Variants in SPTBN2 observed in about 807,000 individuals in gnomAD.
The protein encoded by SPTBN2 is spectrin beta chain, non-erythrocytic 2.
In SPTBN2, 107 loss-of-function variants were observed where a neutral mutation model predicts 284.2. The observed-to-expected ratio is 0.38, with a 90% CI of 0.32 to 0.44. The LOEUF is 0.44. Ranked by LOEUF, SPTBN2 falls within the 20% of genes least tolerant of loss-of-function variation. The probability of loss-of-function intolerance (pLI) is 1.00; values close to 1 mark genes in which losing one functional copy is unlikely to be tolerated. For synonymous variants in SPTBN2, 1,289 were observed against 1,354.8 expected (o/e 0.95, Z 1.07); for missense variants, 2,569 against 3,287.1 (o/e 0.78, Z 5.34).
Position 66,705,680 on chromosome 11 carries a change from T to A in SPTBN2, c.1807+4A>T, listed in dbSNP as rs766779065. The A allele has an allele frequency of 2.5e-6, 4 of 1,611,082 alleles. No individual in the cohort carries two copies. In the Admixed American group the frequency reaches 6.7e-5, roughly 27 times the overall value. ...CCTCTCCAGTGCCTTCGCTGACTTC[T>A]CACCTTTCCCTGGGTTGCAGAAGCG... is the stretch of plus-strand genomic sequence containing the variant. On this transcript the variant is annotated splice_donor_region_variant and intron_variant, in intron 14 of 37. Transcript: ENST00000533211.
chr11:66,690,508 A>T (rs1940468825), intron 27 of SPTBN2: 1 of 620,398 alleles, frequency 1.6e-6, no homozygotes, highest in African/African-American at 1.8e-5. Flanking sequence ...GAGGATCTGG[A>T]AAAGAGCCAT....
Position 66,715,376 on chromosome 11 carries a change from C to T in SPTBN2, c.329G>A (p.Arg110His), listed in dbSNP as rs778491140. 1.9e-6 allele frequency: 3 copies of T among 1,613,696 alleles called. No homozygotes were observed. The highest frequency in any genetic ancestry group is 1.1e-5 in the South Asian group (1 of 91,058). Residue 110 changes from arginine (R) to histidine (H), a missense_variant, in exon 5 of 38, where the codon CGC becomes CAC. Transcript: ENST00000533211. This position sits in a 1 kb window ranked among gnomAD's most constrained non-coding sequence, Gnocchi z 5.3. ...GEILPKPTKG[R>H]MRIHCLENVD... ...GTTCTCCAGGCAGTGGATCCGCATGCGGCCCTTTGTAGGCTTTGGCTGTGG... is the reference window on the plus strand; with the variant it reads ...GTTCTCCAGGCAGTGGATCCGCATGTGGCCCTTTGTAGGCTTTGGCTGTGG...
At chr11:66,728,277 G>C (rs1942706518) in intron 1 of SPTBN2, 2 of 145,720 alleles carry the variant, frequency 1.4e-5, no homozygotes, top group South Asian at 4.0e-4. Context: ...CGGGCGCACG[G>C]CGGGCGGCGG....
intron 37 of SPTBN2, 51 bp downstream of exon 37, chr11:66,686,347 T>C (rs765980280): frequency 1.1e-5 from 17 of 1,609,724 alleles, no homozygotes; most frequent in East Asian, 4.5e-5. Context: ...AGTCTGCAGC[T>C]GGAAGCTTCT....
At position 66,700,990 on chromosome 11, in the gene SPTBN2, T is replaced by C. The variant is rs201248714; in HGVS notation, c.3109A>G (p.Asn1037Asp). 15 of 1,607,544 alleles carry C rather than the reference T, an allele frequency of 9.3e-6. No individual in the cohort carries two copies. Among genetic ancestry groups the C allele is most frequent in the Non-Finnish European group, 1.3e-5 (15 of 1,179,854 alleles). ...GTCTGCACCTCTCTCAGCCGGGCGTTGATGGCCACTGCCTGAGCGGGATGG... is the reference window on the plus strand; with the variant it reads ...GTCTGCACCTCTCTCAGCCGGGCGTCGATGGCCACTGCCTGAGCGGGATGG... Reference protein sequence around the residue: ...AGHPAQAVAINARLREVQTGW... With the variant: ...AGHPAQAVAIDARLREVQTGW... The change falls in exon 17 of 38, where the codon AAC (asparagine) becomes GAC (aspartate). Residue 1037 changes from asparagine (N) to aspartate (D), a missense_variant. By Grantham distance (23) the Asn-to-Asp change is conservative. This residue lies in a region of SPTBN2 where 1,012 missense variants were observed against 1,248.9 expected (regional missense o/e 0.81). Coordinates refer to ENST00000533211, the MANE Select transcript of SPTBN2 (RefSeq NM_006946.4). The surrounding 1 kb of genome is among the most constrained non-coding windows in gnomAD (Gnocchi z 6.6).
intron 1 of SPTBN2, among the ~76,000 whole-genome samples, chr11:66,736,177 C>T (rs906863823): frequency 1.3e-5 from 2 of 152,284 alleles, no homozygotes; most frequent in South Asian, 2.1e-4. Context: ...GGACTGAAGA[C>T]AGTCATGCCT....
Position 66,689,927 on chromosome 11 carries a change from C to T in SPTBN2, c.5827G>A (p.Asp1943Asn), listed in dbSNP as rs1940419198. Residue 1943 changes from aspartate to asparagine, a missense_variant, in exon 29 of 38, where the codon GAT (aspartate) becomes AAT (asparagine). By Grantham distance (23) the Asp-to-Asn change is conservative (BLOSUM62 1). Around this residue, in one of 6 missense-constraint regions of SPTBN2, gnomAD observed 1,130 missense variants for 1,317.3 expected, o/e 0.86. Coordinates refer to ENST00000533211, the MANE Select transcript of SPTBN2 (RefSeq NM_006946.4). Reference protein sequence around the residue: ...QERPRDVSSADLVIKNQQGIK... With the variant: ...QERPRDVSSANLVIKNQQGIK... Reference sequence around the variant, plus strand: ...CCTTGCTGGTTCTTGATGACTAGATCCGCGGAGGACACATCCCTGGGGGGA... The same window carrying T: ...CCTTGCTGGTTCTTGATGACTAGATTCGCGGAGGACACATCCCTGGGGGGA... 12 of 1,614,116 alleles carry T rather than the reference C, an allele frequency of 7.4e-6. No individual in the cohort carries two copies. Among genetic ancestry groups the T allele is most frequent in the South Asian group, 1.1e-5 (1 of 91,076 alleles).
rs778457729 is a variant in SPTBN2 at position 66,701,633 on chromosome 11, G to T, written c.2767C>A (p.Pro923Thr). Residue 923 changes from proline to threonine, a missense_variant, in exon 16 of 38, where the codon CCC (proline) becomes ACC (threonine). Pro to Thr is a conservative substitution (Grantham distance 38, BLOSUM62 -1). This residue lies in a region of SPTBN2 where 1,012 missense variants were observed against 1,248.9 expected (regional missense o/e 0.81). Transcript: ENST00000533211. ...TTGACAATGCGGTCTTTGCCTGGGG[G>T]GTTGGCCTTCAGTAACTGCTCGGCA... The part of the protein sequence containing the change: ...DIAEQLLKAN[P>T]PGKDRIVNTQ... 54 of 1,613,944 alleles carry T rather than the reference G, an allele frequency of 3.3e-5. No homozygotes were observed. The highest frequency in any genetic ancestry group is 4.4e-5 in the Non-Finnish European group (52 of 1,180,038).
intron 20 of SPTBN2, among the ~76,000 whole-genome samples, chr11:66,697,556 G>A (rs1328181280): frequency 6.6e-6 from 1 of 152,068 alleles, no homozygotes; most frequent in African/African-American, 2.4e-5. Context: ...GCCTACCACT[G>A]GTTTTCTGTT....
chr11:66,728,490 G>T (rs1454611484), intron 1 of SPTBN2: 2 of 151,048 alleles, frequency 1.3e-5, no homozygotes, highest in African/African-American at 4.8e-5. Context: ...GGCTCTGGGC[G>T]GGGCCCGAGT....
In SPTBN2 at chr11:66,693,266, G is replaced by T. The variant is rs1341438940; in HGVS notation, c.4774C>A (p.Gln1592Lys). ...GCCTCGGCGGCATCGCGGTAGAACT[G>T]CTGGGCTCGCAGGGCATCCTCCAGT... ...KRLEDALRAQQFYRDAAEAEA... is the reference protein window; with the variant it reads ...KRLEDALRAQKFYRDAAEAEA... The change falls in exon 24 of 38, where the codon CAG becomes AAG. Residue 1592 changes from glutamine to lysine, a missense_variant. Physicochemically the swap from Gln to Lys is moderately conservative, Grantham distance 53 (BLOSUM62 1). Around this residue, in one of 6 missense-constraint regions of SPTBN2, gnomAD observed 1,130 missense variants for 1,317.3 expected, o/e 0.86. Coordinates refer to ENST00000533211, the MANE Select transcript of SPTBN2 (RefSeq NM_006946.4). This position sits in a 1 kb window ranked among gnomAD's most constrained non-coding sequence, Gnocchi z 5.7. 6.2e-7 allele frequency: 1 copy of T among 1,614,008 alleles called. No homozygotes were observed. Among genetic ancestry groups the T allele is most frequent in the Non-Finnish European group, 8.5e-7 (1 of 1,180,030 alleles).
rs761473443 is a variant in SPTBN2, at chr11:66,689,880, G to A, written c.5874C>T (p.Ala1958=). The A allele has an allele frequency of 9.3e-6, 15 of 1,614,008 alleles. No homozygotes were observed. Among genetic ancestry groups the A allele is most frequent in the Non-Finnish European group, 1.2e-5 (14 of 1,180,038 alleles). ...TGCAGGAGGAGAAGCGGTCTGCCCG[G>A]GCCTCTATCTCTGCCTTGATGCCTT... ...NQQGIKAEIE[A]RADRFSSCID... The change falls in exon 29 of 38, where the codon GCC becomes GCT. Residue 1958 remains alanine, a synonymous_variant. Transcript: ENST00000533211.
At position 66,715,360 on chromosome 11, in the gene SPTBN2, G is replaced by A; in HGVS notation, c.345C>T (p.Cys115=). 6.2e-7 allele frequency: 1 copy of A among 1,614,102 alleles called. No individual in the cohort carries two copies. ...GCAGTGCCTTGTCCACGTTCTCCAG[G>A]CAGTGGATCCGCATGCGGCCCTTTG... The part of the protein sequence containing the change: ...KPTKGRMRIH[C]LENVDKALQF... Residue 115 remains cysteine (C), a synonymous_variant, in exon 5 of 38, where the codon TGC becomes TGT. Coordinates refer to ENST00000533211, the MANE Select transcript of SPTBN2 (RefSeq NM_006946.4). This position sits in a 1 kb window ranked among gnomAD's most constrained non-coding sequence, Gnocchi z 5.3.
At chr11:66,699,207 C>G in intron 18 of SPTBN2, 125 bp from the exon 19 acceptor site, 1 of 1,350,682 alleles carries the variant, frequency 7.4e-7, no homozygotes, top group Non-Finnish European at 1.0e-6. Flanking sequence ...ATGAGGCTAC[C>G]CAGGAATCCT....
chr11:66,687,684 C>T lies in SPTBN2; in HGVS notation c.6502-37G>A, dbSNP rs367873935. On this transcript the variant is annotated intron_variant, in intron 34 of 37. Transcript: ENST00000533211. The surrounding 1 kb of genome is among the most constrained non-coding windows in gnomAD (Gnocchi z 5.2). ...TCAGTGTCAGTGTCAAAGGTTGAGA[C>T]GGGAGATCCCTAACCTGGGTGCCAG... 659 of 1,573,416 alleles carry T rather than the reference C, an allele frequency of 4.2e-4. 1 individual carries two copies. The African/African-American group carries it at 7.3e-3, about 18-fold the overall frequency.
intron 37 of SPTBN2, 142 bp downstream of exon 37, chr11:66,686,256 C>A (rs1356970893): frequency 1.4e-6 from 2 of 1,388,338 alleles, no homozygotes; most frequent in Non-Finnish European, 2.1e-6. Flanking sequence ...GGGAGTGCGG[C>A]CTGGTGCGGC....
intron 30 of SPTBN2, 21 bp downstream of exon 30, chr11:66,689,073 CTG>C (rs757207728): frequency 6.3e-7 from 1 of 1,594,818 alleles, no homozygotes; most frequent in Non-Finnish European, 8.6e-7. Context: ...CCCACAGGGC[CTG>C]GGGCCCCCTT....
intron 1 of SPTBN2, among the ~76,000 whole-genome samples, chr11:66,726,544 G>A (rs905149283): frequency 1.3e-5 from 2 of 152,192 alleles, no homozygotes; most frequent in Non-Finnish European, 2.9e-5. Flanking sequence ...AGTTTCAGGG[G>A]TGAGTGTGAC....
At chr11:66,692,822 C>T in intron 25 of SPTBN2, 82 bp from the exon 26 acceptor site, 1 of 1,597,004 alleles carries the variant, frequency 6.3e-7, no homozygotes, top group Non-Finnish European at 8.5e-7. Flanking sequence ...CCCTGTCCCT[C>T]TGAGTCTCCC....
Sources: gnomAD v4.1 joint callset for allele counts (sites outside exome capture counted in the v4.1 genomes callset) on GRCh38, gnomAD v4.1.1 for gene constraint, gnomAD v4.1.1 regional missense constraint, Gnocchi (gnomAD v3.1) non-coding constraint, MANE v1.5 for transcripts, NCBI Gene and HGNC (gene_info 2026-07-23, HGNC 2026-07-21) for gene names.